Variants in GRID2 observed in about 807,000 individuals in gnomAD.
GRID2 encodes glutamate receptor ionotropic, delta-2.
Under a neutral mutation model 114.8 loss-of-function variants are expected in GRID2, and 33 were observed. The ratio of observed to expected loss-of-function variants is 0.29; its 90% CI spans 0.22 to 0.38. GRID2 has a LOEUF of 0.38. Among genes scored for constraint, GRID2 ranks in the 10% least tolerant of loss-of-function variants. The pLI, the probability that GRID2 is intolerant of heterozygous loss-of-function variation, is 1.00. For synonymous variants in GRID2, 505 were observed against 449.9 expected (o/e 1.12, Z -1.55); for missense variants, 1,184 against 1,257.7 (o/e 0.94, Z 0.89).
intron 2 of GRID2, among the ~76,000 whole-genome samples, chr4:92,991,248 T>A (rs1754886250): frequency 6.6e-6 from 1 of 152,166 alleles, no homozygotes; most frequent in South Asian, 2.1e-4. Context: ...GCAATACTCT[T>A]GAAGATTCAA....
chr4:93,239,796 G>A (rs1747269046), intron 8 of GRID2, among the ~76,000 whole-genome samples: 1 of 151,540 alleles, frequency 6.6e-6, no homozygotes, highest in Admixed American at 6.6e-5. Flanking sequence ...TATTTAGACT[G>A]ATTTTTACGA....
intron 2 of GRID2, among the ~76,000 whole-genome samples, chr4:93,081,815 G>T (rs74697400): frequency 0.047 from 7,215 of 152,222 alleles, 258 homozygotes; most frequent in East Asian, 0.15. Flanking sequence ...AACTGACTAT[G>T]CATTCTATGA....
chr4:93,289,537 A>G (rs139631450), intron 8 of GRID2, among the ~76,000 whole-genome samples: 150 of 152,318 alleles, frequency 9.8e-4, no homozygotes, highest in Middle Eastern at 3.4e-3. Context: ...ATACACACAT[A>G]TTGGTACTGG....
chr4:92,865,869 C>T (rs1434352901), intron 2 of GRID2, among the ~76,000 whole-genome samples: 3 of 152,160 alleles, frequency 2.0e-5, no homozygotes. Flanking sequence ...CAAACAATGA[C>T]ACTAACATGA....
chr4:93,363,080 C>A (rs1359679098), intron 8 of GRID2, among the ~76,000 whole-genome samples: 1 of 151,932 alleles, frequency 6.6e-6, no homozygotes, highest in Non-Finnish European at 1.5e-5. Flanking sequence ...ATTATCTGGG[C>A]ATGGTGGTGC....
chr4:93,551,117 C>T (rs968468164), intron 13 of GRID2, among the ~76,000 whole-genome samples: 3 of 152,090 alleles, frequency 2.0e-5, no homozygotes, highest in Admixed American at 6.6e-5. Flanking sequence ...TTTAGAAGAG[C>T]GCCTAGTGCA....
intron 2 of GRID2, among the ~76,000 whole-genome samples, chr4:92,835,199 AAAAAG>A (rs923715821): frequency 3.9e-5 from 6 of 152,082 alleles, no homozygotes; most frequent in Non-Finnish European, 5.9e-5. Context: ...GGTAAAAAAA[AAAAAG>A]GTAACAAATG....
At chr4:93,328,870 T>G (rs1327884465) in intron 8 of GRID2, among the ~76,000 whole-genome samples, 1 of 152,182 alleles carries the variant, frequency 6.6e-6, no homozygotes, top group African/African-American at 2.4e-5. Context: ...TTCATTGGAC[T>G]GGATGAAATC....
intron 2 of GRID2, among the ~76,000 whole-genome samples, chr4:92,864,814 T>C (rs1450325359): frequency 2.2e-4 from 33 of 152,186 alleles, no homozygotes; most frequent in Non-Finnish European, 3.2e-4. Flanking sequence ...CAAAGACATC[T>C]TATCTCAACC....
chr4:92,999,896 G>A (rs1755432778), intron 2 of GRID2, among the ~76,000 whole-genome samples: 5 of 151,500 alleles, frequency 3.3e-5, no homozygotes. Flanking sequence ...ATTATTCTCA[G>A]CTAGATACGA....
At chr4:92,504,663 C>T (rs1723863431) in intron 1 of GRID2, among the ~76,000 whole-genome samples, 1 of 151,848 alleles carries the variant, frequency 6.6e-6, no homozygotes, top group African/African-American at 2.4e-5. Context: ...TCCTGATATG[C>T]TTAGGGATAG....
At chr4:92,826,283 A>G (rs887333590) in intron 2 of GRID2, among the ~76,000 whole-genome samples, 1 of 152,004 alleles carries the variant, frequency 6.6e-6, no homozygotes, top group African/African-American at 2.4e-5. Flanking sequence ...CTTCCCTGAT[A>G]GCTTCATGGA....
chr4:92,581,497 T>C (rs906184128), intron 1 of GRID2, among the ~76,000 whole-genome samples: 5 of 152,106 alleles, frequency 3.3e-5, no homozygotes, highest in African/African-American at 1.2e-4. Flanking sequence ...ATTATCAGTT[T>C]AAATGTGCTT....
intron 2 of GRID2, among the ~76,000 whole-genome samples, chr4:93,000,227 CAG>C (rs1263646022): frequency 6.6e-6 from 1 of 151,532 alleles, no homozygotes; most frequent in Non-Finnish European, 1.5e-5. Flanking sequence ...AGAATAGTAA[CAG>C]TGTTTTGTTT....
At chr4:93,360,865 A>T (rs1052730512) in intron 8 of GRID2, among the ~76,000 whole-genome samples, 15 of 150,916 alleles carry the variant, frequency 9.9e-5, no homozygotes, top group African/African-American at 3.4e-4. Context: ...TTTTGTCTAT[A>T]TTTTTTCTGT....
At chr4:92,741,653 T>G (rs578047725) in intron 2 of GRID2, among the ~76,000 whole-genome samples, 1 of 152,332 alleles carries the variant, frequency 6.6e-6, no homozygotes, top group African/African-American at 2.4e-5. Context: ...CTCAGCTGTC[T>G]ATGTCCCCCA....
chr4:93,655,973 G>C (rs535877307), intron 14 of GRID2, among the ~76,000 whole-genome samples: 1 of 151,812 alleles, frequency 6.6e-6, no homozygotes, highest in Non-Finnish European at 1.5e-5. Flanking sequence ...TATATTAAAA[G>C]CAATACCTTG....
rs1470405216 is a variant in GRID2 at position 92,304,750 on chromosome 4, A to G, written c.88+6A>G. On this transcript the variant is annotated splice_donor_region_variant and intron_variant, in intron 1 of 15. Coordinates refer to ENST00000282020, the MANE Select transcript of GRID2 (RefSeq NM_001510.4). Reference sequence around the variant, plus strand: ...GGATTCGATCATTCACATCGGTAAGAAAGTGTTGGTGCAGCTCGTGGTTAC... The same window carrying G: ...GGATTCGATCATTCACATCGGTAAGGAAGTGTTGGTGCAGCTCGTGGTTAC... The G allele has an allele frequency of 1.9e-6, 3 of 1,595,868 alleles. No individual in the cohort carries two copies. The highest frequency in any genetic ancestry group is 8.6e-7 in the Non-Finnish European group (1 of 1,163,292).
At chr4:93,576,261 T>C (rs1736409627) in intron 13 of GRID2, among the ~76,000 whole-genome samples, 1 of 152,182 alleles carries the variant, frequency 6.6e-6, no homozygotes, top group African/African-American at 2.4e-5. Flanking sequence ...GCAATCAATT[T>C]TCTACTCACA....
Sources: allele counts gnomAD v4.1 joint callset (sites outside exome capture counted in the v4.1 genomes callset), GRCh38; gene constraint gnomAD v4.1.1; transcripts MANE v1.5; gene names NCBI Gene and HGNC (gene_info 2026-07-23, HGNC 2026-07-21).